Variants in CAST observed in about 807,000 individuals in gnomAD.
The protein encoded by CAST is calpastatin.
CAST carries 76 observed loss-of-function variants against 119.6 expected under a neutral mutation model. The observed-to-expected ratio is 0.64, with a 90% CI of 0.53 to 0.77. The LOEUF (loss-of-function observed/expected upper bound fraction) is 0.77, where lower values mean the gene tolerates loss of function less well. CAST is among the 30% of genes least tolerant of loss of function. The pLI, the probability that CAST is intolerant of heterozygous loss-of-function variation, is 0.00. For synonymous variants in CAST, 319 were observed against 331.6 expected, an observed-to-expected ratio of 0.96 and a Z score of 0.41; for missense variants, 953 against 946.5, an observed-to-expected ratio of 1.01 and a Z score of -0.09.
chr5:96,192,925 T>C, the CAST span, among the ~76,000 whole-genome samples: 1 of 142,116 alleles, frequency 7.0e-6, no homozygotes, highest in African/African-American at 2.7e-5. Context: ...AAATACATGT[T>C]TGTCGTAAGC....
At chr5:96,519,980 T>C in the CAST span, among the ~76,000 whole-genome samples, 1 of 152,254 alleles carries the variant, frequency 6.6e-6, no homozygotes. Flanking sequence ...CACTGTGTTA[T>C]ATGAATGTTT....
the CAST span, among the ~76,000 whole-genome samples, chr5:96,084,344 G>A: frequency 3.9e-5 from 6 of 152,114 alleles, no homozygotes; most frequent in Non-Finnish European, 7.4e-5. Flanking sequence ...GGTAAACTGG[G>A]TAATTTTAGG....
rs1410272202 is a variant in CAST at position 96,741,595 on chromosome 5, T to C, written c.1098+15T>C. On this transcript the variant is annotated intron_variant, in intron 15 of 31. Transcript: ENST00000675179. ...AGGTGGAGAAGGTATAGTCACAGTC[T>C]ACCTGACAGCAGTTGCTTTCCAGAG... 6.3e-7 allele frequency: 1 copy of C among 1,576,454 alleles called. No homozygotes were observed. Among genetic ancestry groups the C allele is most frequent in the Non-Finnish European group, 8.7e-7 (1 of 1,146,424 alleles).
chr5:96,740,248 C>T (rs1277398609), intron 12 of CAST, 130 bp downstream of exon 12: 3 of 597,714 alleles, frequency 5.0e-6, no homozygotes, highest in Non-Finnish European at 8.9e-6. Context: ...TACTATGAAG[C>T]TCGCTGCATT....
intron 1 of CAST, among the ~76,000 whole-genome samples, chr5:96,570,075 G>A (rs1004990103): frequency 1.3e-5 from 2 of 152,130 alleles, no homozygotes; most frequent in Non-Finnish European, 2.9e-5. Flanking sequence ...TCTAAAATCC[G>A]TTGCTCACTT....
intron 1 of CAST, among the ~76,000 whole-genome samples, chr5:96,536,602 C>T (rs1043919588): frequency 1.3e-5 from 2 of 152,104 alleles, no homozygotes; most frequent in African/African-American, 4.8e-5. Context: ...ACAGGTATGG[C>T]AGTTGAAGAA....
At chr5:96,727,738 T>G (rs1266936102) in intron 6 of CAST, among the ~76,000 whole-genome samples, 1 of 152,168 alleles carries the variant, frequency 6.6e-6, no homozygotes, top group African/African-American at 2.4e-5. Context: ...ATATATAATA[T>G]TTTATAAATG....
At chr5:96,727,168 G>T (rs1561530603) in intron 5 of CAST, among the ~76,000 whole-genome samples, 5 of 152,130 alleles carry the variant, frequency 3.3e-5, no homozygotes, top group Non-Finnish European at 7.4e-5. Context: ...TGTGATGAAG[G>T]TTTTTATTTT....
At chr5:95,977,770 TTATC>T in the CAST span, among the ~76,000 whole-genome samples, 319 of 152,202 alleles carry the variant, frequency 2.1e-3, 3 homozygotes, top group African/African-American at 6.8e-3. Context: ...CTAGTTCTCA[TTATC>T]TGTTTTTCCT....
At chr5:96,310,391 T>C in the CAST span, among the ~76,000 whole-genome samples, 2 of 152,228 alleles carry the variant, frequency 1.3e-5, no homozygotes, top group African/African-American at 2.4e-5. Flanking sequence ...CTGGTAGCTT[T>C]CTTTTCTTAT....
chr5:96,320,615 G>T, the CAST span, among the ~76,000 whole-genome samples: 1 of 152,050 alleles, frequency 6.6e-6, no homozygotes, highest in Admixed American at 6.5e-5. Flanking sequence ...AAATCAAGTT[G>T]GCATTAACAT....
the CAST span, among the ~76,000 whole-genome samples, chr5:96,180,827 C>G: frequency 6.6e-6 from 1 of 152,122 alleles, no homozygotes; most frequent in Non-Finnish European, 1.5e-5. Flanking sequence ...ACAAGCAAAC[C>G]AAGCTTGGAG....
chr5:96,057,961 G>T, the CAST span, among the ~76,000 whole-genome samples: 1 of 152,140 alleles, frequency 6.6e-6, no homozygotes, highest in Non-Finnish European at 1.5e-5. Flanking sequence ...ACAATCTTCA[G>T]ATTTTGAGCA....
At chr5:96,173,779 C>A in the CAST span, among the ~76,000 whole-genome samples, 2 of 149,840 alleles carry the variant, frequency 1.3e-5, no homozygotes, top group South Asian at 4.2e-4. Flanking sequence ...GAGTCTCTGT[C>A]GCCCAGGCTG....
the CAST span, among the ~76,000 whole-genome samples, chr5:96,320,324 G>T: frequency 7.2e-6 from 1 of 139,682 alleles, no homozygotes; most frequent in African/African-American, 2.7e-5. Flanking sequence ...TGCAACCTCT[G>T]CCTCCTGGGT....
At chr5:96,118,287 T>C in the CAST span, among the ~76,000 whole-genome samples, 7 of 152,014 alleles carry the variant, frequency 4.6e-5, no homozygotes, top group Non-Finnish European at 7.4e-5. Context: ...ATGCTTTGAG[T>C]AGGCAAAAAG....
the CAST span, among the ~76,000 whole-genome samples, chr5:96,017,628 C>T: frequency 6.6e-6 from 1 of 152,000 alleles, no homozygotes; most frequent in Admixed American, 6.6e-5. Flanking sequence ...ACATCATTAT[C>T]AAGAGTCAGT....
chr5:96,242,212 T>G, the CAST span, among the ~76,000 whole-genome samples: 1 of 151,810 alleles, frequency 6.6e-6, no homozygotes, highest in Non-Finnish European at 1.5e-5. Context: ...AACGTTTAAG[T>G]CTTTAATCCA....
At chr5:96,056,497 G>T in the CAST span, among the ~76,000 whole-genome samples, 1 of 152,226 alleles carries the variant, frequency 6.6e-6, no homozygotes, top group Non-Finnish European at 1.5e-5. Flanking sequence ...ACACAGATGG[G>T]TTGTTTTATT....
Sources: gnomAD v4.1 joint callset for allele counts (sites outside exome capture counted in the v4.1 genomes callset) on GRCh38, gnomAD v4.1.1 for gene constraint, MANE v1.5 for transcripts, NCBI Gene and HGNC (gene_info 2026-07-23, HGNC 2026-07-21) for gene names.